Variants in STXBP4 observed in about 807,000 individuals in gnomAD.
STXBP4 encodes syntaxin-binding protein 4.
Under a neutral mutation model 76.1 loss-of-function variants are expected in STXBP4, and 55 were observed. The observed-to-expected ratio is 0.72, with a 90% confidence interval of 0.58 to 0.91. The LOEUF (loss-of-function observed/expected upper bound fraction) is 0.91. Among genes scored for constraint, STXBP4 ranks in the 40% least tolerant of loss-of-function variants. The pLI, the probability that STXBP4 is intolerant of heterozygous loss-of-function variation, is 0.00. For missense variants in STXBP4, 618 were observed against 636.9 expected, an observed-to-expected ratio of 0.97 and a Z score of 0.32; for synonymous variants, 201 against 220.2, an observed-to-expected ratio of 0.91 and a Z score of 0.77.
At chr17:55,042,049 T>C (rs1052347538) in intron 10 of STXBP4, among the ~76,000 whole-genome samples, 3 of 152,154 alleles carry the variant, frequency 2.0e-5, no homozygotes, top group African/African-American at 4.8e-5. Flanking sequence ...TGTCCATAGA[T>C]ACCCAAAAGC....
At chr17:54,984,250 A>G (rs887683405) in intron 1 of STXBP4, among the ~76,000 whole-genome samples, 1 of 148,920 alleles carries the variant, frequency 6.7e-6, no homozygotes, top group African/African-American at 2.5e-5. Context: ...GATCCTCTTG[A>G]TTTTAGTCTT....
At chr17:55,063,962 G>T (rs947242647) in intron 12 of STXBP4, among the ~76,000 whole-genome samples, 6 of 152,118 alleles carry the variant, frequency 3.9e-5, no homozygotes, top group African/African-American at 1.4e-4. Flanking sequence ...TTTACCCAAG[G>T]AGGAAGTAGT....
At position 55,152,806 on chromosome 17, in the gene STXBP4, C is replaced by T. The variant is rs535817772; in HGVS notation, c.1548-6991C>T. ...ATTTGGGTGGGTACACAGAGCCAAA[C>T]CATATCATATGGCAAATACTTTAAA... On this transcript the variant is annotated intron_variant, in intron 17 of 17. Transcript: ENST00000376352. Among the ~76,000 whole-genome samples the T allele has an allele frequency of 2.6e-5, 4 of 152,228 alleles. No individual in the cohort carries two copies. The East Asian group carries it at 7.7e-4, about 29-fold the overall frequency.
chr17:54,986,297 A>G (rs779005932), intron 3 of STXBP4, 31 bp downstream of exon 3: 2 of 1,465,236 alleles, frequency 1.4e-6, no homozygotes, highest in Admixed American at 3.8e-5. Context: ...GTTTTGAAAT[A>G]TAGTTTGAAA....
intron 16 of STXBP4, among the ~76,000 whole-genome samples, chr17:55,140,125 G>A (rs1648320891): frequency 6.6e-6 from 1 of 152,044 alleles, no homozygotes; most frequent in Admixed American, 6.6e-5. Context: ...GCAACATAGT[G>A]AGATCTGGTC....
chr17:55,023,916 C>CAAAAAAAAAAAAAAAAAA (rs61454264), intron 8 of STXBP4, among the ~76,000 whole-genome samples: 2 of 62,240 alleles, frequency 3.2e-5, no homozygotes, highest in South Asian at 7.3e-4. Flanking sequence ...GGCCCTTTTC[C>CAAAAAAAAAAAAAAAAAA]AAAAAAAAAA....
chr17:55,078,305 C>T (rs1026961), intron 14 of STXBP4, 111 bp downstream of exon 14: 196,531 of 695,248 alleles, frequency 0.28, 29,107 homozygotes, highest in African/African-American at 0.37. Flanking sequence ...AGTCTCAAAG[C>T]AGCAATGCTG....
rs80326552 is a variant in STXBP4 at position 55,069,257 on chromosome 17, A to G, written c.1012-3643A>G. Among the ~76,000 whole-genome samples, 479 of 151,630 alleles carry G rather than the reference A, an allele frequency of 3.2e-3. 11 individuals carry two copies. The highest frequency in any genetic ancestry group is 0.025 in the East Asian group (130 of 5,170). On this transcript the variant is annotated intron_variant, in intron 12 of 17. Transcript: ENST00000376352. ...CTTAGTATTAAAAAGCATAATGCTT[A>G]TGTGGATTTTCTGACTTACTACTAT...
chr17:55,185,671 A>T, the STXBP4 span, among the ~76,000 whole-genome samples: 2 of 152,206 alleles, frequency 1.3e-5, no homozygotes, highest in Non-Finnish European at 2.9e-5. Context: ...GAGAGAGCAG[A>T]TGAGTACTGG....
chr17:55,019,171 AC>A, intron 8 of STXBP4, among the ~76,000 whole-genome samples: 1 of 152,250 alleles, frequency 6.6e-6, no homozygotes, highest in Admixed American at 6.5e-5. Flanking sequence ...AAGTATTTCT[AC>A]CATCTTATTT....
At chr17:55,007,222 C>T (rs1223133321) in intron 7 of STXBP4, among the ~76,000 whole-genome samples, 2 of 151,718 alleles carry the variant, frequency 1.3e-5, no homozygotes, top group Non-Finnish European at 2.9e-5. Context: ...ACCTGTAGTC[C>T]CAGCTACTTG....
chr17:55,091,997 A>G (rs748635337), intron 16 of STXBP4, among the ~76,000 whole-genome samples: 7 of 152,208 alleles, frequency 4.6e-5, no homozygotes, highest in South Asian at 2.1e-4. Flanking sequence ...AGATAAGGGT[A>G]CTCAACCTGT....
chr17:55,032,271 T>C (rs567471458), intron 9 of STXBP4, among the ~76,000 whole-genome samples: 1 of 152,270 alleles, frequency 6.6e-6, no homozygotes, highest in East Asian at 1.9e-4. Context: ...TTTTGGTTTT[T>C]AAGTGATGAA....
intron 8 of STXBP4, among the ~76,000 whole-genome samples, chr17:55,022,152 T>C (rs2078324416): frequency 6.6e-6 from 1 of 152,038 alleles, no homozygotes; most frequent in Non-Finnish European, 1.5e-5. Flanking sequence ...ATCAATAAAA[T>C]CCTGAAAGCT....
chr17:54,999,921 A>G (rs2077880567), intron 6 of STXBP4, 79 bp downstream of exon 6: 7 of 946,398 alleles, frequency 7.4e-6, no homozygotes, highest in Non-Finnish European at 9.4e-6. Context: ...TTATGTACAT[A>G]TAGAATTATT....
At chr17:55,138,873 G>A (rs1159929285) in intron 16 of STXBP4, among the ~76,000 whole-genome samples, 1 of 152,056 alleles carries the variant, frequency 6.6e-6, no homozygotes, top group Non-Finnish European at 1.5e-5. Context: ...TAATTGGACA[G>A]TGATTGTTTT....
chr17:55,081,768 A>G lies in STXBP4; in HGVS notation c.1489+585A>G, dbSNP rs148707410. Among the ~76,000 whole-genome samples, 397 of 152,254 alleles carry G rather than the reference A, an allele frequency of 2.6e-3. 1 individual carries two copies. Among genetic ancestry groups the G allele is most frequent in the South Asian group, 0.014 (68 of 4,826 alleles). ...CATATCCTCCTATGCTGGAGCCAGG[A>G]AAATACCTCTCTAAAGGAACTACAT... On this transcript the variant is annotated intron_variant, in intron 16 of 17. Coordinates refer to ENST00000376352, the MANE Select transcript of STXBP4 (RefSeq NM_178509.6).
chr17:55,122,367 G>A (rs950844615), intron 16 of STXBP4, among the ~76,000 whole-genome samples: 1 of 152,180 alleles, frequency 6.6e-6, no homozygotes, highest in Non-Finnish European at 1.5e-5. Context: ...AAAGAAATTA[G>A]GAGAGTATGC....
chr17:55,089,351 TG>T (rs1389422148), intron 16 of STXBP4, among the ~76,000 whole-genome samples: 1 of 152,238 alleles, frequency 6.6e-6, no homozygotes, highest in African/African-American at 2.4e-5. Flanking sequence ...TTTGAAAATA[TG>T]GTAGATGAGA....
Sources: gnomAD v4.1 joint callset for allele counts (sites outside exome capture counted in the v4.1 genomes callset) on GRCh38, gnomAD v4.1.1 for gene constraint, MANE v1.5 for transcripts, NCBI Gene and HGNC (gene_info 2026-07-23, HGNC 2026-07-21) for gene names.